The following CMSS1 variants were observed in gnomAD, a reference collection of about 807,000 sequenced individuals.
The protein encoded by CMSS1 is protein CMSS1.
CMSS1 carries 33 observed loss-of-function variants against 43.5 expected under a neutral mutation model. The ratio of observed to expected loss-of-function variants is 0.76; its 90% CI spans 0.57 to 1.01. The LOEUF is 1.01. Ranked by LOEUF, CMSS1 falls within the 50% of genes least tolerant of loss-of-function variation. The pLI is 0.00. For synonymous variants in CMSS1, 115 were observed against 117.2 expected, an observed-to-expected ratio of 0.98 and a Z score of 0.12; for missense variants, 313 against 326.4, an observed-to-expected ratio of 0.96 and a Z score of 0.32.
chr3:100,038,280 A>G (rs552389797), intron 1 of CMSS1, among the ~76,000 whole-genome samples: 4 of 152,152 alleles, frequency 2.6e-5, no homozygotes, highest in Admixed American at 6.5e-5. Context: ...ATTAAAATAT[A>G]ACTCTTACAG....
chr3:99,975,201 A>G (rs147291731), intron 1 of CMSS1, among the ~76,000 whole-genome samples: 5 of 152,314 alleles, frequency 3.3e-5, no homozygotes, highest in Admixed American at 2.0e-4. Context: ...AGGAATTTCT[A>G]TTTGTTCACA....
chr3:99,897,787 T>C (rs1165273707), intron 1 of CMSS1, among the ~76,000 whole-genome samples: 2 of 152,330 alleles, frequency 1.3e-5, no homozygotes, highest in Admixed American at 6.5e-5. Flanking sequence ...ATGATGGTGA[T>C]CATAGAGGGA....
At chr3:100,085,329 C>G (rs1410458822) in intron 1 of CMSS1, among the ~76,000 whole-genome samples, 1 of 152,196 alleles carries the variant, frequency 6.6e-6, no homozygotes, top group Admixed American at 6.5e-5. Context: ...TTTATATCTT[C>G]CCTTCTCCTT....
intron 1 of CMSS1, among the ~76,000 whole-genome samples, chr3:99,840,129 C>A (rs1373218242): frequency 6.6e-6 from 1 of 151,874 alleles, no homozygotes; most frequent in South Asian, 2.1e-4. Flanking sequence ...AAAGAGTTAC[C>A]AGGCCAAAAC....
intron 1 of CMSS1, among the ~76,000 whole-genome samples, chr3:100,121,753 A>G: frequency 6.6e-6 from 1 of 152,088 alleles, no homozygotes; most frequent in East Asian, 1.9e-4. Context: ...TCCCATCTCA[A>G]GCAAATTTAT....
intron 1 of CMSS1, chr3:99,849,430 T>A: frequency 6.2e-7 from 1 of 1,614,202 alleles, no homozygotes; most frequent in South Asian, 1.1e-5. Context: ...TTGATTTAGT[T>A]TTTTTTGCAG....
chr3:100,132,818 C>CAAAAA (rs537334560), intron 1 of CMSS1, among the ~76,000 whole-genome samples: 9 of 66,314 alleles, frequency 1.4e-4, no homozygotes, highest in East Asian at 4.7e-4. Context: ...GACTCCATCC[C>CAAAAA]AAAAAAAAAA....
At chr3:99,971,621 T>C (rs1447767440) in intron 1 of CMSS1, among the ~76,000 whole-genome samples, 2 of 152,192 alleles carry the variant, frequency 1.3e-5, no homozygotes, top group African/African-American at 2.4e-5. Context: ...CTGATCTAAG[T>C]TGGTACCAGA....
intron 1 of CMSS1, among the ~76,000 whole-genome samples, chr3:99,970,204 G>A (rs1032162658): frequency 6.6e-6 from 1 of 152,168 alleles, no homozygotes; most frequent in Non-Finnish European, 1.5e-5. Context: ...GAAAGTGAAG[G>A]CATAGAAATA....
At chr3:100,161,962 AT>A (rs1192174438) in intron 3 of CMSS1, among the ~76,000 whole-genome samples, 4 of 152,324 alleles carry the variant, frequency 2.6e-5, no homozygotes, top group Admixed American at 2.6e-4. Context: ...AATATAAATC[AT>A]CTAGGGCTAA....
At chr3:99,983,342 T>C (rs1709183213) in intron 1 of CMSS1, among the ~76,000 whole-genome samples, 2 of 145,302 alleles carry the variant, frequency 1.4e-5, no homozygotes, top group South Asian at 4.4e-4. Context: ...AAGACCAGCC[T>C]GGCCAACATG....
intron 1 of CMSS1, among the ~76,000 whole-genome samples, chr3:99,896,021 C>T (rs562772187): frequency 6.6e-6 from 1 of 152,188 alleles, no homozygotes; most frequent in South Asian, 2.1e-4. Context: ...AGGGAACTGC[C>T]ACGGTTCCAT....
intron 1 of CMSS1, among the ~76,000 whole-genome samples, chr3:99,907,104 A>T (rs900723484): frequency 1.3e-5 from 2 of 152,230 alleles, no homozygotes; most frequent in African/African-American, 4.8e-5. Context: ...TTCAACAAAT[A>T]CACAGAGTTG....
At chr3:100,124,866 A>AT (rs2066650911) in intron 1 of CMSS1, among the ~76,000 whole-genome samples, 1 of 148,468 alleles carries the variant, frequency 6.7e-6, no homozygotes, top group African/African-American at 2.5e-5. Flanking sequence ...TGAGATGTAT[A>AT]TGCGTTCACA....
rs2067015458 is a variant in CMSS1, at chr3:100,160,618, T to A, written c.225+117T>A. Reference sequence around the variant, plus strand: ...CCCCACCTAAGAGATGCAGACATTGTAAGATTCTTTGAGGTTTGGTGACTT... The same window carrying A: ...CCCCACCTAAGAGATGCAGACATTGAAAGATTCTTTGAGGTTTGGTGACTT... On this transcript the variant is annotated intron_variant, in intron 3 of 9. Coordinates refer to ENST00000421999, the MANE Select transcript of CMSS1 (RefSeq NM_032359.4). 2.5e-5 allele frequency: 15 copies of A among 594,978 alleles called. No homozygotes were observed. The South Asian group carries it at 3.0e-4, about 12-fold the overall frequency. 36.9% of individuals were successfully genotyped at this position (594,978 alleles called of 1,614,324 possible). A position where few individuals can be genotyped will look rare whatever the true frequency, so the allele number is the denominator to read the frequency against.
chr3:99,957,102 G>T (rs1708341809), intron 1 of CMSS1, among the ~76,000 whole-genome samples: 1 of 152,094 alleles, frequency 6.6e-6, no homozygotes, highest in Non-Finnish European at 1.5e-5. Flanking sequence ...AAAAATACTT[G>T]TGTTTATGTT....
At chr3:99,836,512 T>C (rs1437654867) in intron 1 of CMSS1, among the ~76,000 whole-genome samples, 3 of 152,170 alleles carry the variant, frequency 2.0e-5, no homozygotes, top group Non-Finnish European at 4.4e-5. Context: ...ACTACTCAAG[T>C]GCCTGAGACA....
At chr3:99,906,302 T>G (rs542562272) in intron 1 of CMSS1, among the ~76,000 whole-genome samples, 2 of 152,362 alleles carry the variant, frequency 1.3e-5, no homozygotes, top group Admixed American at 1.3e-4. Flanking sequence ...GAAACTCCCT[T>G]TCACATGCTT....
intron 6 of CMSS1, 57 bp from the exon 7 acceptor site, chr3:100,171,782 C>A (rs1212660848): frequency 1.5e-6 from 2 of 1,352,844 alleles, no homozygotes; most frequent in African/African-American, 2.9e-5. Context: ...CTTAAGTAGT[C>A]ATCGTGGCCT....
Sources: allele counts gnomAD v4.1 joint callset (sites outside exome capture counted in the v4.1 genomes callset), GRCh38; gene constraint gnomAD v4.1.1; transcripts MANE v1.5; gene names NCBI Gene and HGNC (gene_info 2026-07-23, HGNC 2026-07-21).